The following RNF130 variants were observed in gnomAD, a reference collection of about 807,000 sequenced individuals.
The protein encoded by RNF130 is ring finger protein 130, also known as E3 ubiquitin-protein ligase RNF130.
Under a neutral mutation model 44.6 loss-of-function variants are expected in RNF130, and 21 were observed. That is an observed-to-expected ratio of 0.47 (90% CI 0.33 to 0.68). The LOEUF (loss-of-function observed/expected upper bound fraction) is 0.68. RNF130 is among the 30% of genes least tolerant of loss of function. RNF130 has a pLI of 0.02. For missense variants in RNF130, 479 were observed against 560.6 expected (o/e 0.85, Z 1.47); for synonymous variants, 214 against 210.4 (o/e 1.02, Z -0.15).
At chr5:180,038,604 T>C (rs748390575) in intron 2 of RNF130, among the ~76,000 whole-genome samples, 16 of 152,024 alleles carry the variant, frequency 1.1e-4, no homozygotes, top group Admixed American at 2.0e-4. Flanking sequence ...TGTTTCCCCA[T>C]GAGTCCTCTA....
chr5:179,988,961 T>C (rs1006656158), intron 3 of RNF130, among the ~76,000 whole-genome samples: 26 of 152,208 alleles, frequency 1.7e-4, no homozygotes, highest in African/African-American at 5.3e-4. Flanking sequence ...ATCTGTCCAA[T>C]GTTGACAGCG....
chr5:180,016,813 A>AT (rs1198593435), intron 2 of RNF130, among the ~76,000 whole-genome samples: 3 of 152,218 alleles, frequency 2.0e-5, no homozygotes, highest in Non-Finnish European at 4.4e-5. Context: ...TGTCCTTTCT[A>AT]TATGTATTTA....
At chr5:180,057,494 G>T (rs1426543609) in intron 1 of RNF130, among the ~76,000 whole-genome samples, 5 of 152,030 alleles carry the variant, frequency 3.3e-5, no homozygotes. Flanking sequence ...GCTGCATTGA[G>T]CCAAGACCGT....
At chr5:179,966,372 T>C (rs1307348491) in intron 7 of RNF130, among the ~76,000 whole-genome samples, 1 of 152,166 alleles carries the variant, frequency 6.6e-6, no homozygotes, top group African/African-American at 2.4e-5. Flanking sequence ...ACTGTGAATT[T>C]TTAGGTTCAA....
intron 4 of RNF130, among the ~76,000 whole-genome samples, 160 bp from the exon 5 acceptor site, chr5:179,978,445 T>C (rs1762764085): frequency 6.6e-6 from 1 of 152,256 alleles, no homozygotes; most frequent in Admixed American, 6.5e-5. Context: ...CTAACTATAT[T>C]GGCCCAAATT....
chr5:180,048,588 G>C (rs1008562022), intron 1 of RNF130, among the ~76,000 whole-genome samples: 3 of 152,104 alleles, frequency 2.0e-5, no homozygotes, highest in South Asian at 2.1e-4. Flanking sequence ...CAGTGAACTG[G>C]GATGGCGCCA....
At chr5:179,921,165 T>C (rs1269838457) in intron 7 of RNF130, among the ~76,000 whole-genome samples, 1 of 152,130 alleles carries the variant, frequency 6.6e-6, no homozygotes, top group Non-Finnish European at 1.5e-5. Context: ...AAGTACATCA[T>C]TTGGTGAGTT....
intron 7 of RNF130, among the ~76,000 whole-genome samples, chr5:179,949,433 A>AT (rs1762092664): frequency 6.6e-6 from 1 of 151,378 alleles, no homozygotes; most frequent in East Asian, 1.9e-4. Flanking sequence ...CTAATTTTTA[A>AT]TTTTTTTGTA....
rs538080838 is a variant in RNF130, at chr5:180,023,351, T to C, written c.443-10040A>G. On this transcript the variant is annotated intron_variant, in intron 2 of 8. Coordinates refer to ENST00000521389, the MANE Select transcript of RNF130 (RefSeq NM_018434.6). ...TAACATCACATCTAATGCCCGGATC[T>C]TGGTTTTTAATACCACTCTCCAATA... Among the ~76,000 whole-genome samples the C allele has an allele frequency of 2.6e-5, 4 of 152,314 alleles. No homozygotes were observed. The South Asian group carries it at 8.3e-4, about 32-fold the overall frequency.
chr5:179,954,206 CAT>C (rs1325854386), downstream of RNF130, among the ~76,000 whole-genome samples: 1 of 152,166 alleles, frequency 6.6e-6, no homozygotes, highest in African/African-American at 2.4e-5. Context: ...AGAAGTTAAA[CAT>C]AGAGTTATAA....
At chr5:179,946,365 G>A (rs1414084414) in intron 7 of RNF130, among the ~76,000 whole-genome samples, 2 of 152,198 alleles carry the variant, frequency 1.3e-5, no homozygotes, top group African/African-American at 4.8e-5. Flanking sequence ...CTGACCCACG[G>A]TGAGAAACCC....
At chr5:179,962,007 TG>T (rs1268950152) in intron 8 of RNF130, among the ~76,000 whole-genome samples, 1 of 152,220 alleles carries the variant, frequency 6.6e-6, no homozygotes, top group Admixed American at 6.5e-5. Context: ...TGTTTATGAA[TG>T]ACTACAAGGA....
At chr5:179,957,055 TTAGATA>T (rs1762228305) in intron 8 of RNF130, among the ~76,000 whole-genome samples, 1 of 152,242 alleles carries the variant, frequency 6.6e-6, no homozygotes, top group Non-Finnish European at 1.5e-5. Context: ...AAACTGGATA[TTAGATA>T]TAAAGAATTT....
intron 2 of RNF130, among the ~76,000 whole-genome samples, chr5:180,024,971 A>G (rs1763954910): frequency 6.6e-6 from 1 of 152,192 alleles, no homozygotes; most frequent in Non-Finnish European, 1.5e-5. Flanking sequence ...ACCAGCACTT[A>G]GCAGGTCCAC....
chr5:179,985,864 A>G (rs1033272430), intron 3 of RNF130, among the ~76,000 whole-genome samples: 6 of 152,154 alleles, frequency 3.9e-5, no homozygotes, highest in African/African-American at 1.2e-4. Context: ...ATCAATATTA[A>G]AAATCCGTTC....
intron 1 of RNF130, among the ~76,000 whole-genome samples, chr5:180,041,068 C>G (rs1764399577): frequency 6.6e-6 from 1 of 151,732 alleles, no homozygotes; most frequent in Non-Finnish European, 1.5e-5. Context: ...ACCGCTATCC[C>G]CACAGTGAGA....
chr5:179,931,148 GA>G (rs1231994883), intron 7 of RNF130, among the ~76,000 whole-genome samples: 3 of 151,518 alleles, frequency 2.0e-5, no homozygotes, highest in African/African-American at 7.3e-5. Context: ...GCATTTTGAT[GA>G]CGTCCACGCA....
chr5:180,067,520 CA>C (rs1765135808), intron 1 of RNF130, among the ~76,000 whole-genome samples: 2 of 151,962 alleles, frequency 1.3e-5, no homozygotes, highest in Non-Finnish European at 2.9e-5. Context: ...GTGGAGAGAT[CA>C]AGTGGTTTTT....
At chr5:179,993,566 G>T in intron 3 of RNF130, among the ~76,000 whole-genome samples, 2 of 151,226 alleles carry the variant, frequency 1.3e-5, no homozygotes, top group East Asian at 4.1e-4. Context: ...CTTTTTGATG[G>T]GGTTGTTTGA....
Sources: gnomAD v4.1 joint callset for allele counts (sites outside exome capture counted in the v4.1 genomes callset) on GRCh38, gnomAD v4.1.1 for gene constraint, MANE v1.5 for transcripts, NCBI Gene and HGNC (gene_info 2026-07-23, HGNC 2026-07-21) for gene names.